Variants in EGFL6 observed in about 807,000 individuals in gnomAD.
EGFL6 encodes the protein epidermal growth factor-like protein 6.
Under a neutral mutation model 43.1 loss-of-function variants are expected in EGFL6, and 42 were observed. The ratio of observed to expected loss-of-function variants is 0.98; its 90% CI spans 0.76 to 1.26. EGFL6 has a LOEUF of 1.26. Among genes scored for constraint, EGFL6 ranks in the 50% most tolerant of loss-of-function variants. The pLI, the probability that EGFL6 is intolerant of heterozygous loss-of-function variation, is 0.00. For synonymous variants in EGFL6, 164 were observed against 163.2 expected (o/e 1.01, Z -0.04); for missense variants, 429 against 427.8 (o/e 1.00, Z -0.02).
At chrX:13,629,695 T>G (rs5978654) in intron 11 of EGFL6, among the ~76,000 whole-genome samples, 19,459 of 111,612 alleles carry the variant, frequency 0.17, 2,116 homozygotes, top group African/African-American at 0.41. Flanking sequence ...GGGCATACAA[T>G]GTAAGTCACA....
chrX:13,626,938 CT>C, intron 10 of EGFL6, 72 bp from the exon 11 acceptor site: 2 of 1,094,612 alleles, frequency 1.8e-6, no homozygotes, highest in African/African-American at 1.8e-5. Flanking sequence ...CTTTTTATAG[CT>C]TTTTTTATAC....
intron 4 of EGFL6, 29 bp from the exon 5 acceptor site, chrX:13,603,288 G>C (rs956698104): frequency 8.5e-7 from 1 of 1,171,734 alleles, no homozygotes. Context: ...TCTCAAGAGA[G>C]AAAGGCTAAT....
At chrX:13,632,364 C>T (rs1339835180) in intron 11 of EGFL6, among the ~76,000 whole-genome samples, 2 of 96,535 alleles carry the variant, frequency 2.1e-5, no homozygotes, top group Non-Finnish European at 4.0e-5. Context: ...TGCAGTGGCG[C>T]GATCTCGGCT....
At chrX:13,612,687 C>T (rs12394765) in intron 7 of EGFL6, among the ~76,000 whole-genome samples, 1,283 of 111,032 alleles carry the variant, frequency 0.012, 22 homozygotes, top group African/African-American at 0.04. Flanking sequence ...CCCCCCACCT[C>T]CCGGACGGGG....
intron 1 of EGFL6, among the ~76,000 whole-genome samples, chrX:13,573,232 T>G (rs2045452695): frequency 8.9e-6 from 1 of 112,020 alleles, no homozygotes; most frequent in Non-Finnish European, 1.9e-5. Context: ...GGGGGCGTTA[T>G]TCAGCCTTTC....
chrX:13,573,126 C>A (rs1455303332), intron 1 of EGFL6, among the ~76,000 whole-genome samples: 1 of 112,053 alleles, frequency 8.9e-6, no homozygotes, highest in Non-Finnish European at 1.9e-5. Flanking sequence ...CTGCTCATTG[C>A]AAGAGCCCTC....
intron 1 of EGFL6, among the ~76,000 whole-genome samples, chrX:13,588,831 A>G (rs181901094): frequency 8.9e-6 from 1 of 112,861 alleles, no homozygotes; most frequent in Admixed American, 9.4e-5. Context: ...GCATCTGTTT[A>G]CTATTGCCTA....
chrX:13,598,558 A>AGTT (rs72060307), intron 3 of EGFL6, among the ~76,000 whole-genome samples: 4,878 of 104,823 alleles, frequency 0.047, 103 homozygotes, highest in African/African-American at 0.077. Flanking sequence ...CTTATTCTTA[A>AGTT]GTTGTTGTTG....
chrX:13,589,811 T>C (rs1330670841), intron 2 of EGFL6, 143 bp downstream of exon 2: 3 of 414,940 alleles, frequency 7.2e-6, no homozygotes, highest in Non-Finnish European at 1.2e-5. Context: ...TCTGGGTTCC[T>C]ATGAGATCTC....
intron 4 of EGFL6, among the ~76,000 whole-genome samples, chrX:13,600,880 C>T (rs756516655): frequency 2.3e-4 from 25 of 109,470 alleles, no homozygotes; most frequent in Non-Finnish European, 4.6e-4. Context: ...TTAGTACATT[C>T]ACAGTGTTGT....
chrX:13,593,236 G>C (rs2045576012), intron 2 of EGFL6, among the ~76,000 whole-genome samples: 1 of 111,099 alleles, frequency 9.0e-6, no homozygotes, highest in Non-Finnish European at 1.9e-5. Context: ...GTTTTAACTT[G>C]GTTATGATAC....
intron 7 of EGFL6, 73 bp downstream of exon 7, chrX:13,608,519 T>C: frequency 2.7e-6 from 3 of 1,125,200 alleles, no homozygotes; most frequent in Non-Finnish European, 3.6e-6. Context: ...TTCCTCCCTC[T>C]ATTTCTCTCC....
chrX:13,573,281 T>A (rs1602633903), intron 1 of EGFL6, among the ~76,000 whole-genome samples: 1 of 112,223 alleles, frequency 8.9e-6, no homozygotes, highest in East Asian at 2.8e-4. Flanking sequence ...TTCTTATTTC[T>A]ATGGGCTAGA....
At chrX:13,632,459 G>A (rs1359799092) in intron 11 of EGFL6, among the ~76,000 whole-genome samples, 1 of 108,303 alleles carries the variant, frequency 9.2e-6, no homozygotes, top group Admixed American at 9.9e-5. Context: ...CCACCACCAC[G>A]CCCGGCTAAT....
At chrX:13,625,968 A>G (rs990639544) in intron 10 of EGFL6, among the ~76,000 whole-genome samples, 7 of 110,676 alleles carry the variant, frequency 6.3e-5, no homozygotes, top group Middle Eastern at 4.7e-3. Flanking sequence ...AACCACAAAG[A>G]CAGCTCAAAG....
chrX:13,593,101 G>C (rs1254787761), intron 2 of EGFL6, among the ~76,000 whole-genome samples: 1 of 109,682 alleles, frequency 9.1e-6, no homozygotes, highest in Non-Finnish European at 1.9e-5. Flanking sequence ...TTTTAGTAGA[G>C]ATGTGGTTTT....
chrX:13,584,319 C>G (rs917335711), intron 1 of EGFL6, among the ~76,000 whole-genome samples: 1 of 111,676 alleles, frequency 9.0e-6, no homozygotes, highest in Non-Finnish European at 1.9e-5. Context: ...AATGTACTAA[C>G]CTGGTGTTCC....
At chrX:13,616,725 A>G (rs1258090199) in intron 7 of EGFL6, among the ~76,000 whole-genome samples, 1 of 112,609 alleles carries the variant, frequency 8.9e-6, no homozygotes, top group Admixed American at 9.3e-5. Context: ...CTTAACACCC[A>G]GTTGCCTCAT....
At chrX:13,613,600 C>T (rs535262218) in intron 7 of EGFL6, among the ~76,000 whole-genome samples, 1 of 111,631 alleles carries the variant, frequency 9.0e-6, no homozygotes, top group Admixed American at 9.5e-5. Context: ...TCAGTTTCCA[C>T]ACCTGCAAAA....
Sources: allele counts gnomAD v4.1 joint callset (sites outside exome capture counted in the v4.1 genomes callset), GRCh38; gene constraint gnomAD v4.1.1; transcripts MANE v1.5; gene names NCBI Gene and HGNC (gene_info 2026-07-23, HGNC 2026-07-21).